Variants in FOXP1 observed in about 807,000 individuals in gnomAD.
FOXP1 encodes the protein forkhead box protein P1.
FOXP1 carries 15 observed loss-of-function variants against 98.2 expected under a neutral mutation model. That is an observed-to-expected ratio of 0.15 (90% CI 0.10 to 0.24). FOXP1 has a LOEUF of 0.24. Among genes scored for constraint, FOXP1 ranks in the 10% least tolerant of loss-of-function variants. The probability of loss-of-function intolerance (pLI) is 1.00; values close to 1 mark genes in which losing one functional copy is unlikely to be tolerated. For synonymous variants in FOXP1, 371 were observed against 314.5 expected (o/e 1.18, Z -1.90); for missense variants, 633 against 848.5 (o/e 0.75, Z 3.15).
At chr3:70,983,498 A>G (rs1174670263) in intron 14 of FOXP1, among the ~76,000 whole-genome samples, 1 of 152,164 alleles carries the variant, frequency 6.6e-6, no homozygotes, top group Non-Finnish European at 1.5e-5. Flanking sequence ...AACAGTCCTA[A>G]TGGCTATGGT....
intron 7 of FOXP1, among the ~76,000 whole-genome samples, chr3:71,095,988 G>A (rs1285797276): frequency 1.3e-5 from 2 of 152,108 alleles, no homozygotes; most frequent in African/African-American, 2.4e-5. Flanking sequence ...AGATTAACAG[G>A]GTGGGTGGCC....
At chr3:71,168,155 A>T (rs2108195500) in intron 6 of FOXP1, among the ~76,000 whole-genome samples, 1 of 152,270 alleles carries the variant, frequency 6.6e-6, no homozygotes, top group Non-Finnish European at 1.5e-5. Context: ...CCTTTTATGA[A>T]TTTTCCTGCT....
At chr3:71,041,637 G>A (rs1416389486) in intron 10 of FOXP1, 105 bp from the exon 11 acceptor site, 9 of 1,128,758 alleles carry the variant, frequency 8.0e-6, no homozygotes, top group African/African-American at 1.5e-5. Flanking sequence ...GTGTTAGGGG[G>A]GTTTTTCGGT....
intron 6 of FOXP1, among the ~76,000 whole-genome samples, chr3:71,123,013 C>T (rs936234846): frequency 6.6e-6 from 1 of 152,096 alleles, no homozygotes; most frequent in African/African-American, 2.4e-5. Context: ...CCCTTCTTTT[C>T]CCCACACAAA....
intron 4 of FOXP1, among the ~76,000 whole-genome samples, chr3:71,311,498 C>T (rs1035924136): frequency 8.5e-5 from 13 of 152,194 alleles, no homozygotes; most frequent in Non-Finnish European, 1.9e-4. Flanking sequence ...CAAAAACATT[C>T]CTGTATCTTA....
chr3:71,004,165 T>C (rs1037586879), intron 12 of FOXP1, among the ~76,000 whole-genome samples: 1 of 152,070 alleles, frequency 6.6e-6, no homozygotes, highest in African/African-American at 2.4e-5. Flanking sequence ...AGACAAACAT[T>C]TGTTTTGTTA....
At chr3:71,065,219 G>A (rs1173715493) in intron 7 of FOXP1, among the ~76,000 whole-genome samples, 2 of 151,918 alleles carry the variant, frequency 1.3e-5, no homozygotes, top group Admixed American at 1.3e-4. Context: ...TGGGTCGGCC[G>A]GGCTCGGCGC....
At chr3:71,273,095 C>T (rs777672102) in intron 5 of FOXP1, among the ~76,000 whole-genome samples, 27 of 152,174 alleles carry the variant, frequency 1.8e-4, no homozygotes, top group Non-Finnish European at 3.1e-4. Context: ...TCTTGTACAA[C>T]GAGCAGAGGC....
chr3:71,181,990 G>A (rs1191400715), intron 6 of FOXP1, among the ~76,000 whole-genome samples: 6 of 148,872 alleles, frequency 4.0e-5, no homozygotes, highest in Non-Finnish European at 5.9e-5. Context: ...AGCCGAGATC[G>A]CGCCACTGCA....
chr3:71,432,859 A>T (rs1002273411), intron 3 of FOXP1, among the ~76,000 whole-genome samples: 6 of 151,302 alleles, frequency 4.0e-5, no homozygotes, highest in Non-Finnish European at 7.4e-5. Context: ...AAAAAAAAAA[A>T]AAAAAAATTA....
intron 3 of FOXP1, among the ~76,000 whole-genome samples, chr3:71,469,081 A>G (rs934332523): frequency 1.3e-5 from 2 of 152,244 alleles, no homozygotes; most frequent in African/African-American, 2.4e-5. Flanking sequence ...GTGCATTCCA[A>G]GCAAAATGGC....
intron 13 of FOXP1, among the ~76,000 whole-genome samples, chr3:70,994,888 T>C (rs1290186211): frequency 6.6e-6 from 1 of 152,170 alleles, no homozygotes; most frequent in Non-Finnish European, 1.5e-5. Context: ...GACATCTTCA[T>C]CCATCAGAAA....
intron 6 of FOXP1, among the ~76,000 whole-genome samples, chr3:71,113,415 A>G (rs927831245): frequency 5.9e-5 from 9 of 152,194 alleles, no homozygotes; most frequent in East Asian, 1.9e-4. Context: ...AATGTTTAAC[A>G]TATGACTGAC....
intron 2 of FOXP1, among the ~76,000 whole-genome samples, chr3:71,563,385 A>C (rs371834752): frequency 6.6e-6 from 1 of 152,320 alleles, no homozygotes; most frequent in East Asian, 1.9e-4. Flanking sequence ...AACTCAATGC[A>C]TGTCTAAGGG....
chr3:71,107,133 T>C (rs2057507010), intron 7 of FOXP1, among the ~76,000 whole-genome samples: 1 of 152,206 alleles, frequency 6.6e-6, no homozygotes, highest in Non-Finnish European at 1.5e-5. Context: ...TGGGCTGTCC[T>C]GGGCAGACTG....
chr3:71,575,066 G>A (rs2047621394), intron 2 of FOXP1, among the ~76,000 whole-genome samples: 1 of 152,158 alleles, frequency 6.6e-6, no homozygotes, highest in Non-Finnish European at 1.5e-5. Context: ...TGTGGGATGC[G>A]ATTTAAAAAC....
intron 2 of FOXP1, chr3:71,572,791 A>G (rs1459724155): frequency 1.3e-5 from 2 of 152,232 alleles, no homozygotes; most frequent in South Asian, 2.1e-4. Context: ...CTACAGGTAC[A>G]TGGGTGCTCA....
intron 4 of FOXP1, among the ~76,000 whole-genome samples, chr3:71,351,706 G>T (rs1309221113): frequency 6.6e-6 from 1 of 152,184 alleles, no homozygotes; most frequent in African/African-American, 2.4e-5. Context: ...AAATGCCCAG[G>T]TACGGGACCA....
chr3:71,015,181 A>ACC (rs2044271100), intron 12 of FOXP1, among the ~76,000 whole-genome samples: 1 of 152,084 alleles, frequency 6.6e-6, no homozygotes, highest in African/African-American at 2.4e-5. Flanking sequence ...CAACAACAAC[A>ACC]ACAACAAAAT....
Sources: gnomAD v4.1 joint callset for allele counts (sites outside exome capture counted in the v4.1 genomes callset) on GRCh38, gnomAD v4.1.1 for gene constraint, MANE v1.5 for transcripts, NCBI Gene and HGNC (gene_info 2026-07-23, HGNC 2026-07-21) for gene names.